Variants in CELSR2 observed in about 807,000 individuals in gnomAD.
CELSR2 encodes the protein cadherin EGF LAG seven-pass G-type receptor 2, also known as EGF-like protein 2.
A neutral mutation model predicts 251.6 loss-of-function variants in CELSR2; 81 were observed. The ratio of observed to expected loss-of-function variants is 0.32; its 90% CI spans 0.27 to 0.39. The LOEUF (loss-of-function observed/expected upper bound fraction) is 0.39. Among genes scored for constraint, CELSR2 ranks in the 10% least tolerant of loss-of-function variants. CELSR2 has a pLI of 1.00. For missense variants in CELSR2, 3,365 were observed against 3,947.7 expected, an observed-to-expected ratio of 0.85 and a Z score of 3.96; for synonymous variants, 1,721 against 1,670.5, an observed-to-expected ratio of 1.03 and a Z score of -0.74.
At chr1:109,270,220 T>C in intron 23 of CELSR2, 87 bp downstream of exon 23, 1 of 1,437,530 alleles carries the variant, frequency 7.0e-7, no homozygotes. Context: ...TCCTGCACCA[T>C]GAACTCTAAT....
Position 109,272,360 on chromosome 1 carries a change from G to T in CELSR2, c.8009G>T (p.Ser2670Ile). 6.2e-7 allele frequency: 1 copy of T among 1,612,528 alleles called. No individual in the cohort carries two copies. Among genetic ancestry groups the T allele is most frequent in the Non-Finnish European group, 8.5e-7 (1 of 1,179,032 alleles). ...GDSAGSLHST[S>I]RSGKSQPSYI... Reference sequence around the variant, plus strand: ...TCGGCCGGCTCTCTGCACAGCACCAGTCGCTCGGGCAAGAGTCAGCCCAGC... The same window carrying T: ...TCGGCCGGCTCTCTGCACAGCACCATTCGCTCGGGCAAGAGTCAGCCCAGC... The change falls in exon 29 of 34, where the codon AGT (serine) becomes ATT (isoleucine). Residue 2670 changes from serine to isoleucine, a missense_variant. By Grantham distance (142) the Ser-to-Ile change is moderately radical. Around this residue, in one of 5 missense-constraint regions of CELSR2, gnomAD observed 2,093 missense variants for 2,382.8 expected, o/e 0.88. Coordinates refer to ENST00000271332, the MANE Select transcript of CELSR2 (RefSeq NM_001408.3).
intron 5 of CELSR2, 124 bp from the exon 6 acceptor site, chr1:109,262,163 A>G: frequency 1.5e-6 from 2 of 1,317,484 alleles, no homozygotes; most frequent in Non-Finnish European, 2.1e-6. Flanking sequence ...ACGTGTGTGT[A>G]TATGCATGTG....
intron 1 of CELSR2, among the ~76,000 whole-genome samples, chr1:109,253,795 C>T: frequency 6.6e-6 from 1 of 152,292 alleles, no homozygotes; most frequent in East Asian, 1.9e-4. Flanking sequence ...GGCCCCTTCA[C>T]CCCCATCAAG....
At position 109,261,807 on chromosome 1, in the gene CELSR2, G is replaced by T; in HGVS notation, c.4298-1G>T. ...TCCAGCTCACCTGGTCCTTTCCCCA[G>T]GGGAGTCAACCACCACGGTGTCCCC... On this transcript the variant is annotated splice_acceptor_variant, in intron 4 of 33. Coordinates refer to ENST00000271332, the MANE Select transcript of CELSR2 (RefSeq NM_001408.3). LOFTEE classifies it high-confidence loss of function. This position sits in a 1 kb window ranked among gnomAD's most constrained non-coding sequence, Gnocchi z 4.8. The T allele has an allele frequency of 6.3e-7, 1 of 1,589,662 alleles. No individual in the cohort carries two copies. Among genetic ancestry groups the T allele is most frequent in the South Asian group, 1.1e-5 (1 of 88,192 alleles).
chr1:109,254,121 C>T (rs1570777173), intron 1 of CELSR2, among the ~76,000 whole-genome samples: 1 of 152,226 alleles, frequency 6.6e-6, no homozygotes, highest in Non-Finnish European at 1.5e-5. Flanking sequence ...AGCTGGGGGG[C>T]AGGCTGAGGC....
intron 5 of CELSR2, 133 bp from the exon 6 acceptor site, chr1:109,262,154 C>G: frequency 7.8e-7 from 1 of 1,290,128 alleles, no homozygotes; most frequent in Non-Finnish European, 1.1e-6. Flanking sequence ...CGTGAGCACA[C>G]GTGTGTGTAT....
In CELSR2 at chr1:109,252,467, C is replaced by T. The variant is rs369355603; in HGVS notation, c.2388C>T (p.Ser796=). 1.4e-5 allele frequency: 23 copies of T among 1,613,838 alleles called. No homozygotes were observed. Among genetic ancestry groups the T allele is most frequent in the Admixed American group, 1.0e-4 (6 of 60,022 alleles). Residue 796 remains serine (S), a synonymous_variant, in exon 1 of 34, where the codon TCC becomes TCT. Transcript: ENST00000271332. The surrounding 1 kb of genome is among the most constrained non-coding windows in gnomAD (Gnocchi z 4.8). ...TARDNGIPQK[S]DTTYLEILVN... Reference sequence around the variant, plus strand: ...GGGACAATGGCATTCCCCAGAAGTCCGACACCACCTACCTGGAGATCCTGG... The same window carrying T: ...GGGACAATGGCATTCCCCAGAAGTCTGACACCACCTACCTGGAGATCCTGG...
rs200884805 is a variant in CELSR2, at chr1:109,251,975, G to C, written c.1896G>C (p.Val632=). The part of the protein sequence containing the change: ...DAAVGTSVVT[V]SAVDRDAHSV... The stretch of plus-strand genomic sequence containing the variant: ...CTGTGGGCACCAGCGTGGTGACGGT[G>C]TCAGCTGTGGACCGTGATGCTCATA... The change falls in exon 1 of 34, where the codon GTG becomes GTC. Residue 632 remains valine, a synonymous_variant. Transcript: ENST00000271332. The surrounding 1 kb of genome is among the most constrained non-coding windows in gnomAD (Gnocchi z 4.9). 6.2e-7 allele frequency: 1 copy of C among 1,614,122 alleles called. No individual in the cohort carries two copies.
chr1:109,258,667 C>T lies in CELSR2; in HGVS notation c.3546C>T (p.Asn1182=), dbSNP rs183828529. ...ACGCCCCCGGGGGCCACATCCTCAA[C>T]GTGAGCCTGTCGGTGGGCCAGCCGC... ...DTDAPGGHIL[N]VSLSVGQPPG... Residue 1182 remains asparagine, a synonymous_variant, in exon 2 of 34, where the codon AAC becomes AAT. Transcript: ENST00000271332. The T allele has an allele frequency of 3.4e-5, 52 of 1,548,704 alleles. No homozygotes were observed. In the East Asian group the frequency reaches 8.1e-4, roughly 24 times the overall value.
chr1:109,270,236 G>A, intron 23 of CELSR2, 103 bp downstream of exon 23: 1 of 1,340,670 alleles, frequency 7.5e-7, no homozygotes, highest in Non-Finnish European at 1.0e-6. Context: ...CTAATAAGGT[G>A]CCTAGTGCAG....
At position 109,262,349 on chromosome 1, in the gene CELSR2, C is replaced by G. The variant is rs763455014; in HGVS notation, c.4449C>G (p.Thr1483=). ...CAGAGCAGAAGGTGGCTGTGGTGAC[C>G]GTGGATGGCTGTGACACAGGAGTGG... is the stretch of plus-strand genomic sequence containing the variant. The part of the protein sequence containing the change: ...GPSEQKVAVV[T]VDGCDTGVAL... Residue 1483 remains threonine (T), a synonymous_variant, in exon 6 of 34, where the codon ACC becomes ACG. Transcript: ENST00000271332. 2.5e-6 allele frequency: 4 copies of G among 1,614,162 alleles called. No homozygotes were observed. Among genetic ancestry groups the G allele is most frequent in the Admixed American group, 1.7e-5 (1 of 60,018 alleles).
rs1432572365 is a variant in CELSR2 at position 109,264,307 on chromosome 1, T to C, written c.5231T>C (p.Val1744Ala). 1.1e-5 allele frequency: 17 copies of C among 1,613,336 alleles called. No homozygotes were observed. Among genetic ancestry groups the C allele is most frequent in the Non-Finnish European group, 1.4e-5 (17 of 1,179,528 alleles). ...LHGLHLSNIT[V>A]GGIPGPAGGV... ...GGTCTGCACCTGAGCAACATAACAGTGGGCGGAATACCTGGGCCAGCCGGC... is the reference window on the plus strand; with the variant it reads ...GGTCTGCACCTGAGCAACATAACAGCGGGCGGAATACCTGGGCCAGCCGGC... Residue 1744 changes from valine (V) to alanine (A), a missense_variant, in exon 10 of 34, where the codon GTG (valine) becomes GCG (alanine). Physicochemically the swap from Val to Ala is moderately conservative, Grantham distance 64 (BLOSUM62 0). Coordinates refer to ENST00000271332, the MANE Select transcript of CELSR2 (RefSeq NM_001408.3).
At position 109,266,122 on chromosome 1, in the gene CELSR2, C is replaced by T; in HGVS notation, c.5929C>T (p.Pro1977Ser). The change falls in exon 15 of 34, where the codon CCA becomes TCA. Residue 1977 changes from proline (P) to serine (S), a missense_variant. Physicochemically the swap from Pro to Ser is moderately conservative, Grantham distance 74. Coordinates refer to ENST00000271332, the MANE Select transcript of CELSR2 (RefSeq NM_001408.3). The part of the protein sequence containing the change: ...NGCEVNYDSC[P>S]RAIEAGIWWP... ...CCCCGCAGTGAATTATGACAGCTGC[C>T]CACGAGCGATTGAGGCTGGGATCTG... is the stretch of plus-strand genomic sequence containing the variant. The T allele has an allele frequency of 6.2e-7, 1 of 1,614,080 alleles. No individual in the cohort carries two copies. The highest frequency in any genetic ancestry group is 8.5e-7 in the Non-Finnish European group (1 of 1,180,020).
At chr1:109,253,917 C>A (rs886233942) in intron 1 of CELSR2, among the ~76,000 whole-genome samples, 1 of 152,272 alleles carries the variant, frequency 6.6e-6, no homozygotes, top group Non-Finnish European at 1.5e-5. Flanking sequence ...CCTTTTGCCT[C>A]CTGGCTGAGC....
chr1:109,251,192 C>T lies in CELSR2; in HGVS notation c.1113C>T (p.Asp371=). 1 of 1,613,710 alleles carries T rather than the reference C, an allele frequency of 6.2e-7. No individual in the cohort carries two copies. Among genetic ancestry groups the T allele is most frequent in the Non-Finnish European group, 8.5e-7 (1 of 1,179,990 alleles). ...ESYQLTVEAS[D]QGRDPGPRST... ...ACCAGCTGACGGTAGAGGCAAGTGA[C>T]CAGGGTCGGGACCCGGGTCCTCGGA... Residue 371 remains aspartate, a synonymous_variant, in exon 1 of 34, where the codon GAC becomes GAT. Coordinates refer to ENST00000271332, the MANE Select transcript of CELSR2 (RefSeq NM_001408.3). The surrounding 1 kb of genome is among the most constrained non-coding windows in gnomAD (Gnocchi z 4.9).
chr1:109,250,722 C>A lies in CELSR2; in HGVS notation c.643C>A (p.Arg215=), dbSNP rs192343178. ...AIDPDEGEAG[R]LEYTMDALFD... Reference sequence around the variant, plus strand: ...CGACCCGGACGAGGGTGAGGCAGGTCGACTGGAGTACACCATGGATGCCCT... The same window carrying A: ...CGACCCGGACGAGGGTGAGGCAGGTAGACTGGAGTACACCATGGATGCCCT... Residue 215 remains arginine, a synonymous_variant, in exon 1 of 34, where the codon CGA becomes AGA. Coordinates refer to ENST00000271332, the MANE Select transcript of CELSR2 (RefSeq NM_001408.3). This position sits in a 1 kb window ranked among gnomAD's most constrained non-coding sequence, Gnocchi z 4.4. The A allele has an allele frequency of 4.3e-6, 7 of 1,614,106 alleles. No individual in the cohort carries two copies. The East Asian group carries it at 1.3e-4, about 31-fold the overall frequency.
intron 1 of CELSR2, among the ~76,000 whole-genome samples, chr1:109,255,071 G>A (rs1411022565): frequency 6.6e-6 from 1 of 152,178 alleles, no homozygotes; most frequent in African/African-American, 2.4e-5. Flanking sequence ...GTCTAGAGAA[G>A]GCTCGGGGCA....
chr1:109,267,208 C>T (rs1656223948), intron 15 of CELSR2, among the ~76,000 whole-genome samples: 1 of 151,874 alleles, frequency 6.6e-6, no homozygotes, highest in African/African-American at 2.4e-5. Context: ...CCCAGGACAC[C>T]CAGCCCAGGA....
intron 33 of CELSR2, 40 bp downstream of exon 33, chr1:109,273,710 C>A: frequency 1.4e-6 from 2 of 1,400,182 alleles, no homozygotes; most frequent in South Asian, 1.5e-5. Context: ...TGCAGCCCCT[C>A]GGAGGCCTCA....
Sources: allele counts gnomAD v4.1 joint callset (sites outside exome capture counted in the v4.1 genomes callset), GRCh38; gene constraint gnomAD v4.1.1; regional missense constraint gnomAD v4.1.1; non-coding constraint Gnocchi (gnomAD v3.1); transcripts MANE v1.5; gene names NCBI Gene and HGNC (gene_info 2026-07-23, HGNC 2026-07-21).